DNAJB1: variants seen among roughly 807,000 people sequenced by gnomAD.
DNAJB1 encodes the protein dnaJ homolog subfamily B member 1.
Under a neutral mutation model 24.0 loss-of-function variants are expected in DNAJB1, and 14 were observed. The ratio of observed to expected loss-of-function variants is 0.58; its 90% CI spans 0.39 to 0.91. DNAJB1 has a LOEUF of 0.91. Ranked by LOEUF, DNAJB1 falls within the 40% of genes least tolerant of loss-of-function variation. The pLI is 0.00. For synonymous variants in DNAJB1, 262 were observed against 174.4 expected (o/e 1.50, Z -3.96); for missense variants, 517 against 458.1 (o/e 1.13, Z -1.17).
chr19:14,550,590 C>A (rs1253549961), upstream of DNAJB1, among the ~76,000 whole-genome samples: 1 of 152,154 alleles, frequency 6.6e-6, no homozygotes, highest in African/African-American at 2.4e-5. Flanking sequence ...CTGGACCATC[C>A]CCTGGGGGTC....
At chr19:14,557,140 T>A (rs541441161) in intron 1 of DNAJB1, among the ~76,000 whole-genome samples, 44 of 150,604 alleles carry the variant, frequency 2.9e-4, no homozygotes, top group African/African-American at 1.0e-3. Context: ...TTTATTTATT[T>A]ATTTATTTAT....
At position 14,544,683 on chromosome 19, in the gene DNAJB1, G is replaced by T. The variant is rs549861595; in HGVS notation, c.-214+5525C>A. On this transcript the variant is annotated intron_variant, in intron 1 of 3. Coordinates refer to the DNAJB1 transcript ENST00000676982. Reference sequence around the variant, plus strand: ...GGGTCTCACTCTGTCGCCCATGCTGGAGTGCAGTGGCACGATCACGGCTCC... The same window carrying T: ...GGGTCTCACTCTGTCGCCCATGCTGTAGTGCAGTGGCACGATCACGGCTCC... Among the ~76,000 whole-genome samples the T allele has an allele frequency of 8.0e-5, 12 of 150,210 alleles. No homozygotes were observed. The East Asian group carries it at 1.8e-3, about 22-fold the overall frequency.
intron 1 of DNAJB1, chr19:14,517,851 A>C: frequency 9.8e-6 from 3 of 306,138 alleles, no homozygotes; most frequent in South Asian, 1.6e-4. Flanking sequence ...CGGCTCCCCC[A>C]CCCCCATGCA....
chr19:14,551,884 TTTTC>T (rs1012468053), upstream of DNAJB1, among the ~76,000 whole-genome samples: 6 of 151,340 alleles, frequency 4.0e-5, no homozygotes, highest in African/African-American at 1.5e-4. Context: ...TTCTTCCTCT[TTTTC>T]TTTCCTTTCT....
intron 1 of DNAJB1, among the ~76,000 whole-genome samples, chr19:14,536,213 C>T (rs2072892474): frequency 6.6e-6 from 1 of 151,538 alleles, no homozygotes; most frequent in African/African-American, 2.4e-5. Flanking sequence ...ATATGCTTAA[C>T]TGCCACTGAC....
chr19:14,514,891 G>A lies in DNAJB1; in HGVS notation c.*1049C>T, dbSNP rs927078142. On this transcript the variant is annotated 3_prime_UTR_variant, in exon 3 of 3. Coordinates refer to ENST00000254322, the MANE Select transcript of DNAJB1 (RefSeq NM_006145.3). ...GTCTGAGCACTGGACTGGCCTCCAG[G>A]GAACAGACATTTGTTCCAACTCCCC... The A allele has an allele frequency of 6.6e-6, 1 of 152,658 alleles. No homozygotes were observed. The highest frequency in any genetic ancestry group is 6.5e-5 in the Admixed American group (1 of 15,280). The allele number at this position is 152,658 out of a possible 1,614,324, so 9.5% of individuals were successfully genotyped here.
At chr19:14,559,245 G>A (rs950295126) in intron 1 of DNAJB1, among the ~76,000 whole-genome samples, 2 of 152,076 alleles carry the variant, frequency 1.3e-5, no homozygotes, top group African/African-American at 4.8e-5. Flanking sequence ...TTGAGTGCAC[G>A]TGCATCATTG....
At chr19:14,544,600 G>A (rs1401057164) in intron 1 of DNAJB1, among the ~76,000 whole-genome samples, 3 of 151,710 alleles carry the variant, frequency 2.0e-5, no homozygotes, top group Non-Finnish European at 2.9e-5. Context: ...CCATGAACCG[G>A]GCTCATCTTT....
intron 1 of DNAJB1, among the ~76,000 whole-genome samples, chr19:14,535,590 G>GTATATATATATATATA (rs2072868953): frequency 3.7e-5 from 1 of 27,082 alleles, no homozygotes; most frequent in African/African-American, 1.2e-4. Flanking sequence ...ATATATATAT[G>GTATATATATATATATA]TATGTATATA....
intron 1 of DNAJB1, among the ~76,000 whole-genome samples, chr19:14,559,644 G>C (rs2073845597): frequency 1.3e-5 from 2 of 152,056 alleles, no homozygotes; most frequent in Admixed American, 6.6e-5. Flanking sequence ...AAAATTAGCT[G>C]GATGTGGTGG....
chr19:14,518,105 AGGCGG>A, intron 1 of DNAJB1, 29 bp downstream of exon 1: 2 of 1,436,402 alleles, frequency 1.4e-6, no homozygotes, highest in Non-Finnish European at 1.8e-6. Flanking sequence ...GTCTGTCAAA[AGGCGG>A]GGCCGCGCCC....
chr19:14,524,530 T>C (rs1347922753), intron 2 of DNAJB1, among the ~76,000 whole-genome samples: 1 of 151,014 alleles, frequency 6.6e-6, no homozygotes, highest in Non-Finnish European at 1.5e-5. Context: ...CAAAAATAAA[T>C]AAAAATCCAA....
intron 1 of DNAJB1, among the ~76,000 whole-genome samples, chr19:14,527,962 C>T (rs2072466824): frequency 6.6e-6 from 1 of 151,910 alleles, no homozygotes; most frequent in African/African-American, 2.4e-5. Flanking sequence ...GCGATCTTGG[C>T]TCACTGCAAC....
chr19:14,532,847 T>G (rs1295199142), upstream of DNAJB1, among the ~76,000 whole-genome samples: 2 of 152,058 alleles, frequency 1.3e-5, no homozygotes, highest in African/African-American at 2.4e-5. Flanking sequence ...AGGTGGCTCA[T>G]GCCTGTAATC....
rs528572009 is a variant in DNAJB1, at chr19:14,548,163, C to T, written c.-214+2045G>A. On this transcript the variant is annotated intron_variant, in intron 1 of 3. Transcript: ENST00000676982. Reference sequence around the variant, plus strand: ...ATTTTTTGTAGAGATGGGGTTTCACCGTGTTAGCCAGGATCGTGTCGATCT... The same window carrying T: ...ATTTTTTGTAGAGATGGGGTTTCACTGTGTTAGCCAGGATCGTGTCGATCT... Among the ~76,000 whole-genome samples the T allele has an allele frequency of 6.7e-4, 101 of 151,834 alleles. 2 individuals carry two copies. The highest frequency in any genetic ancestry group is 4.0e-3 in the South Asian group (19 of 4,694).
At chr19:14,533,281 G>A (rs1378764059), upstream of DNAJB1, among the ~76,000 whole-genome samples, 1 of 152,024 alleles carries the variant, frequency 6.6e-6, no homozygotes, top group Non-Finnish European at 1.5e-5. Context: ...TTAGCTGGGT[G>A]TGGTGGCGCA....
chr19:14,559,303 AAGGAGACCGGGTACCC>A (rs1354500665), intron 1 of DNAJB1, among the ~76,000 whole-genome samples: 2 of 151,904 alleles, frequency 1.3e-5, no homozygotes, highest in Non-Finnish European at 2.9e-5. Context: ...CTCACTCTGA[AAGGAGACCGGGTACCC>A]AGCAGCAGCC....
chr19:14,521,489 T>A (rs929995537), upstream of DNAJB1, among the ~76,000 whole-genome samples: 3 of 150,268 alleles, frequency 2.0e-5, no homozygotes, highest in Admixed American at 2.0e-4. Flanking sequence ...ATAATAATAA[T>A]AAAAGTTTCT....
In DNAJB1 at chr19:14,516,542, A is replaced by C; in HGVS notation, c.716T>G (p.Leu239Ter). 6.2e-7 allele frequency: 1 copy of C among 1,614,240 alleles called. No individual in the cohort carries two copies. Among genetic ancestry groups the C allele is most frequent in the Non-Finnish European group, 8.5e-7 (1 of 1,180,052 alleles). The change falls in exon 2 of 3, where the codon TTA (leucine) becomes TGA (stop). Residue 239 changes from leucine to a stop codon, truncating the protein, a stop_gained. Transcript: ENST00000254322. LOFTEE classifies it high-confidence loss of function. ...NNIPADIVFV[L>*]KDKPHNIFKR... ...AAAGATATTGTGGGGCTTGTCCTTT[A>C]AAACAAAGACGATATCAGCTGGAAT...
Sources: allele counts gnomAD v4.1 joint callset (sites outside exome capture counted in the v4.1 genomes callset), GRCh38; gene constraint gnomAD v4.1.1; transcripts MANE v1.5; gene names NCBI Gene and HGNC (gene_info 2026-07-23, HGNC 2026-07-21).